The following LDLRAD4 variants were observed in gnomAD, a reference collection of about 807,000 sequenced individuals.
LDLRAD4 encodes the protein low-density lipoprotein receptor class A domain-containing protein 4.
In LDLRAD4, 5 loss-of-function variants were observed where a neutral mutation model predicts 17.0. That is an observed-to-expected ratio of 0.29 (90% CI 0.15 to 0.62). The LOEUF (loss-of-function observed/expected upper bound fraction) is 0.62. LDLRAD4 is among the 20% of genes least tolerant of loss of function. The pLI, the probability that LDLRAD4 is intolerant of heterozygous loss-of-function variation, is 0.84. For synonymous variants in LDLRAD4, 168 were observed against 171.8 expected (o/e 0.98, Z 0.17); for missense variants, 340 against 424.7 (o/e 0.80, Z 1.75).
At chr18:13,344,770 G>T (rs532556302) in intron 1 of LDLRAD4, among the ~76,000 whole-genome samples, 38 of 152,304 alleles carry the variant, frequency 2.5e-4, no homozygotes, top group Middle Eastern at 3.4e-3. Flanking sequence ...AGCAGTGTTT[G>T]TAGTTCTCCT....
At chr18:13,444,764 C>T (rs2091274776) in intron 3 of LDLRAD4, among the ~76,000 whole-genome samples, 3 of 152,152 alleles carry the variant, frequency 2.0e-5, no homozygotes, top group Admixed American at 1.3e-4. Context: ...TGGGGCATGG[C>T]CCTGTAAATA....
In LDLRAD4 at chr18:13,440,478, C is replaced by G. The variant is rs761740727; in HGVS notation, c.181+2094C>G. ...GGCAAACTCTTGGCCCCCTACTGTT[C>G]AGATATGACTAGAACTTTTGTCTTT... is the stretch of plus-strand genomic sequence containing the variant. On this transcript the variant is annotated intron_variant, in intron 3 of 5. Transcript: ENST00000359446. This position sits in a 1 kb window ranked among gnomAD's most constrained non-coding sequence, Gnocchi z 4.4. Among the ~76,000 whole-genome samples the G allele has an allele frequency of 3.9e-5, 6 of 152,172 alleles. No individual in the cohort carries two copies. The highest frequency in any genetic ancestry group is 8.8e-5 in the Non-Finnish European group (6 of 68,036).
chr18:13,221,663 A>AT (rs1172266615), intron 1 of LDLRAD4, among the ~76,000 whole-genome samples: 5 of 151,986 alleles, frequency 3.3e-5, no homozygotes, highest in Admixed American at 1.3e-4. Flanking sequence ...AGTTAATGTC[A>AT]TTTTTTTCCA....
At chr18:13,642,693 T>A in intron 4 of LDLRAD4, 1 of 1,231,566 alleles carries the variant, frequency 8.1e-7, no homozygotes, top group Non-Finnish European at 1.0e-6. Flanking sequence ...CAACCCAGCC[T>A]GCCCTCATCG....
intron 3 of LDLRAD4, chr18:13,611,981 G>A: frequency 1.0e-6 from 1 of 985,500 alleles, no homozygotes; most frequent in Non-Finnish European, 1.2e-6. Flanking sequence ...TCCCAGCCGG[G>A]CGAGCACGCT....
chr18:13,466,472 C>CA (rs5823251), intron 3 of LDLRAD4, among the ~76,000 whole-genome samples: 41,844 of 108,154 alleles, frequency 0.39, 8,178 homozygotes, highest in Non-Finnish European at 0.46. Context: ...CTTGTTTCAC[C>CA]AAAAAAAAAA....
At chr18:13,490,634 A>G (rs1413478471) in intron 3 of LDLRAD4, 5 of 152,198 alleles carry the variant, frequency 3.3e-5, no homozygotes, top group East Asian at 1.9e-4. Context: ...TTACTTTTCT[A>G]TATGTATATA....
At chr18:13,388,730 G>T (rs187662069) in intron 2 of LDLRAD4, among the ~76,000 whole-genome samples, 2 of 152,212 alleles carry the variant, frequency 1.3e-5, no homozygotes, top group African/African-American at 4.8e-5. Context: ...GCACTCCTCC[G>T]CAGTCGCCGT....
At chr18:13,310,172 C>T (rs1037255741) in intron 1 of LDLRAD4, among the ~76,000 whole-genome samples, 3 of 101,518 alleles carry the variant, frequency 3.0e-5, no homozygotes, top group Admixed American at 1.2e-4. Context: ...TAGTGAGACC[C>T]CTGTCTCTAC....
At chr18:13,417,714 G>A (rs185264729) in intron 2 of LDLRAD4, among the ~76,000 whole-genome samples, 193 of 152,278 alleles carry the variant, frequency 1.3e-3, no homozygotes, top group Non-Finnish European at 2.1e-3. Flanking sequence ...GATTACAGGC[G>A]TGAGCCACCA....
At position 13,602,760 on chromosome 18, in the gene LDLRAD4, TA is replaced by T. The variant is rs577582295; in HGVS notation, c.182-18351del. On this transcript the variant is annotated intron_variant, in intron 3 of 5. Transcript: ENST00000359446. ...ACTGTGCCCGGCCTAATTTTTTATT[TA>T]AAAAATAAAAAGAAGAAAAACTAGA... Among the ~76,000 whole-genome samples, 842 of 151,968 alleles carry T rather than the reference TA, an allele frequency of 5.5e-3. 14 individuals are homozygous for T. The highest frequency in any genetic ancestry group is 0.031 in the South Asian group (150 of 4,790).
intron 3 of LDLRAD4, among the ~76,000 whole-genome samples, chr18:13,574,795 C>G (rs1285980322): frequency 6.6e-6 from 1 of 152,250 alleles, no homozygotes; most frequent in Non-Finnish European, 1.5e-5. Flanking sequence ...TCTTTTCAAC[C>G]TGGTTCTACC....
Position 13,576,784 on chromosome 18 carries a change from C to T in LDLRAD4, c.182-44333C>T, listed in dbSNP as rs557388655. The stretch of plus-strand genomic sequence containing the variant: ...TTCCCAGCTGTAGCAGGGGGATGTC[C>T]GGAGGCTGTGGAAGGTAGAGTGTTA... On this transcript the variant is annotated intron_variant, in intron 3 of 5. Coordinates refer to ENST00000359446, the Ensembl canonical transcript of LDLRAD4. Among the ~76,000 whole-genome samples, 8 of 152,282 alleles carry T rather than the reference C, an allele frequency of 5.3e-5. 1 individual carries two copies. The East Asian group carries it at 1.5e-3, about 29-fold the overall frequency.
chr18:13,246,937 AG>A (rs2042984310), intron 1 of LDLRAD4, among the ~76,000 whole-genome samples: 1 of 141,374 alleles, frequency 7.1e-6, no homozygotes, highest in South Asian at 2.3e-4. Context: ...TTTATCTACA[AG>A]GGTTTTTTTT....
At chr18:13,320,830 C>T (rs1156686659) in intron 1 of LDLRAD4, among the ~76,000 whole-genome samples, 2 of 152,130 alleles carry the variant, frequency 1.3e-5, no homozygotes, top group African/African-American at 2.4e-5. Context: ...ATCTGGTAGA[C>T]CGTGTTCAAG....
At chr18:13,629,290 G>C (rs1000145594) in intron 4 of LDLRAD4, among the ~76,000 whole-genome samples, 1 of 152,180 alleles carries the variant, frequency 6.6e-6, no homozygotes, top group African/African-American at 2.4e-5. Context: ...GTTAAGTCTT[G>C]TTCATTATAT....
At chr18:13,439,916 A>G (rs1166073361) in intron 3 of LDLRAD4, among the ~76,000 whole-genome samples, 1 of 152,196 alleles carries the variant, frequency 6.6e-6, no homozygotes, top group African/African-American at 2.4e-5. Flanking sequence ...ATGGGGACAT[A>G]AGAATGGTTA....
chr18:13,623,179 A>G (rs2040813486), intron 4 of LDLRAD4, among the ~76,000 whole-genome samples: 1 of 152,208 alleles, frequency 6.6e-6, no homozygotes, highest in South Asian at 2.1e-4. Context: ...GTGGCGGCAG[A>G]TTTGTGTGAT....
intron 3 of LDLRAD4, chr18:13,611,919 A>G (rs2039601584): frequency 1.0e-6 from 1 of 985,332 alleles, no homozygotes; most frequent in African/African-American, 1.7e-5. Context: ...AGGGAGCACC[A>G]GAAGAGGACA....
Sources: allele counts gnomAD v4.1 joint callset (sites outside exome capture counted in the v4.1 genomes callset), GRCh38; gene constraint gnomAD v4.1.1; non-coding constraint Gnocchi (gnomAD v3.1); transcripts MANE v1.5; gene names NCBI Gene and HGNC (gene_info 2026-07-23, HGNC 2026-07-21).